PIEZO2: variants seen among roughly 807,000 people sequenced by gnomAD.
PIEZO2 encodes the protein piezo-type mechanosensitive ion channel component 2.
A neutral mutation model predicts 337.3 loss-of-function variants in PIEZO2; 172 were observed. That is an observed-to-expected ratio of 0.51 (90% CI 0.45 to 0.58). The LOEUF is 0.58. Among genes scored for constraint, PIEZO2 ranks in the 20% least tolerant of loss-of-function variants. The pLI, the probability that PIEZO2 is intolerant of heterozygous loss-of-function variation, is 0.00. For missense variants in PIEZO2, 3,028 were observed against 3,391.3 expected, an observed-to-expected ratio of 0.89 and a Z score of 2.66; for synonymous variants, 1,251 against 1,228.5, an observed-to-expected ratio of 1.02 and a Z score of -0.38.
In PIEZO2 at chr18:11,127,977, C is replaced by A. The variant is rs983995965; in HGVS notation, c.64+20548G>T. Among the ~76,000 whole-genome samples, 1 of 151,952 alleles carries A rather than the reference C, an allele frequency of 6.6e-6. No homozygotes were observed. The highest frequency in any genetic ancestry group is 1.5e-5 in the Non-Finnish European group (1 of 67,998). Reference sequence around the variant, plus strand: ...CTTAGTATGATTAGACCTGAAAATGCTAAGGACTCTACTGCTAACAGTATG... The same window carrying A: ...CTTAGTATGATTAGACCTGAAAATGATAAGGACTCTACTGCTAACAGTATG... On this transcript the variant is annotated intron_variant, in intron 1 of 55. Coordinates refer to ENST00000674853, the MANE Select transcript of PIEZO2 (RefSeq NM_001378183.1). The surrounding 1 kb of genome is among the most constrained non-coding windows in gnomAD (Gnocchi z 4.5).
rs573394955 is a variant in PIEZO2 at position 11,111,037 on chromosome 18, C to T, written c.64+37488G>A. On this transcript the variant is annotated intron_variant, in intron 1 of 55. Coordinates refer to ENST00000674853, the MANE Select transcript of PIEZO2 (RefSeq NM_001378183.1). The surrounding 1 kb of genome is among the most constrained non-coding windows in gnomAD (Gnocchi z 6.2). ...ATACTTCAGTGCAGCTGCAAATGGA[C>T]GTCCGGGCAGACAGGGCAGAGGACA... Among the ~76,000 whole-genome samples the T allele has an allele frequency of 4.6e-4, 70 of 152,298 alleles. 2 individuals carry two copies. The highest frequency in any genetic ancestry group is 1.2e-3 in the South Asian group (6 of 4,826).
chr18:10,946,812 T>A (rs932361298), intron 3 of PIEZO2, among the ~76,000 whole-genome samples: 11 of 152,098 alleles, frequency 7.2e-5, no homozygotes, highest in African/African-American at 2.7e-4. Flanking sequence ...TAGATACAAT[T>A]AAAAATCACT....
intron 11 of PIEZO2, among the ~76,000 whole-genome samples, chr18:10,799,460 GT>G (rs202109880): frequency 0.015 from 2,350 of 152,280 alleles, 41 homozygotes; most frequent in African/African-American, 0.053. Flanking sequence ...TAGGTCAGAG[GT>G]GCAGCTTTTT....
intron 1 of PIEZO2, among the ~76,000 whole-genome samples, chr18:11,145,846 C>G (rs1393229809): frequency 6.6e-6 from 1 of 152,202 alleles, no homozygotes; most frequent in African/African-American, 2.4e-5. Flanking sequence ...GAGGAGGTCA[C>G]TAGGGTCAGG....
At chr18:11,064,184 G>C (rs1427967483) in intron 2 of PIEZO2, among the ~76,000 whole-genome samples, 1 of 152,166 alleles carries the variant, frequency 6.6e-6, no homozygotes, top group East Asian at 1.9e-4. Context: ...AGAAACGCAT[G>C]TGTTCTGCCT....
At chr18:10,749,025 C>T (rs1215518766) in intron 29 of PIEZO2, among the ~76,000 whole-genome samples, 1 of 151,928 alleles carries the variant, frequency 6.6e-6, no homozygotes, top group Admixed American at 6.6e-5. Flanking sequence ...CCAGGGGTAA[C>T]CAGCAGAATA....
chr18:10,686,393 C>A (rs943588119), intron 49 of PIEZO2, among the ~76,000 whole-genome samples: 3 of 152,096 alleles, frequency 2.0e-5, no homozygotes, highest in African/African-American at 7.2e-5. Context: ...AGAAGGTAAA[C>A]CAGGAAAGAA....
At position 10,750,160 on chromosome 18, in the gene PIEZO2, A is replaced by G. The variant is rs763155346; in HGVS notation, c.4195T>C (p.Leu1399=). 3.0e-5 allele frequency: 46 copies of G among 1,537,048 alleles called. No individual in the cohort carries two copies. The East Asian group carries it at 3.2e-4, about 11-fold the overall frequency. Residue 1399 remains leucine (L), a synonymous_variant, in exon 29 of 56, where the codon TTG becomes CTG. Coordinates refer to ENST00000674853, the MANE Select transcript of PIEZO2 (RefSeq NM_001378183.1). The surrounding 1 kb of genome is among the most constrained non-coding windows in gnomAD (Gnocchi z 4.1). Reference sequence around the variant, plus strand: ...ATCAACCAACAACTATTGTGCACCAATGTTCCAATGTATCCACATGCTCCT... The same window carrying G: ...ATCAACCAACAACTATTGTGCACCAGTGTTCCAATGTATCCACATGCTCCT... ...SIGACGYIGT[L]VHNSCWLIQA... is the part of the protein sequence containing the mutation.
At chr18:10,742,725 A>G in intron 31 of PIEZO2, 110 bp from the exon 32 acceptor site, 1 of 1,130,692 alleles carries the variant, frequency 8.8e-7, no homozygotes, top group South Asian at 1.7e-5. Flanking sequence ...TGGACAAACT[A>G]CTTTGGAATA....
At chr18:10,995,595 C>T (rs2035291578) in intron 2 of PIEZO2, among the ~76,000 whole-genome samples, 1 of 152,194 alleles carries the variant, frequency 6.6e-6, no homozygotes, top group South Asian at 2.1e-4. Flanking sequence ...AGTTCAATAT[C>T]TCTGGGTCCA....
chr18:11,108,213 GT>G (rs1434907135), intron 1 of PIEZO2, among the ~76,000 whole-genome samples: 1 of 152,112 alleles, frequency 6.6e-6, no homozygotes, highest in Non-Finnish European at 1.5e-5. Context: ...AAAACGCTTG[GT>G]ATTTTCTTCT....
chr18:10,760,948 T>C lies in PIEZO2; in HGVS notation c.3413A>G (p.Tyr1138Cys). 1 of 1,534,250 alleles carries C rather than the reference T, an allele frequency of 6.5e-7. No homozygotes were observed. Among genetic ancestry groups the C allele is most frequent in the Non-Finnish European group, 8.7e-7 (1 of 1,144,396 alleles). The change falls in exon 24 of 56, where the codon TAT (tyrosine) becomes TGT (cysteine). Residue 1138 changes from tyrosine to cysteine, a missense_variant. Coordinates refer to ENST00000674853, the MANE Select transcript of PIEZO2 (RefSeq NM_001378183.1). Reference protein sequence around the residue: ...LDDGLINCAKYFINYFFYKFG... With the variant: ...LDDGLINCAKCFINYFFYKFG... ...CTTGTAAAAGAAGTAATTAATGAAA[T>C]ATTTGGCACAATTAATAAGTCCATC...
Position 11,001,188 on chromosome 18 carries a change from G to C in PIEZO2, c.161-21528C>G, listed in dbSNP as rs1268853876. Among the ~76,000 whole-genome samples, 1 of 152,130 alleles carries C rather than the reference G, an allele frequency of 6.6e-6. No homozygotes were observed. The highest frequency in any genetic ancestry group is 2.1e-4 in the South Asian group (1 of 4,832). On this transcript the variant is annotated intron_variant, in intron 2 of 55. Transcript: ENST00000674853. This position sits in a 1 kb window ranked among gnomAD's most constrained non-coding sequence, Gnocchi z 5.3. Reference sequence around the variant, plus strand: ...GGATATTGATTGTCCTCAAGCAGATGTAAGCCTCCTGAAGGCAGGGCTGCC... The same window carrying C: ...GGATATTGATTGTCCTCAAGCAGATCTAAGCCTCCTGAAGGCAGGGCTGCC...
At chr18:10,918,160 A>G (rs2031136443) in intron 3 of PIEZO2, among the ~76,000 whole-genome samples, 1 of 152,216 alleles carries the variant, frequency 6.6e-6, no homozygotes, top group Non-Finnish European at 1.5e-5. Flanking sequence ...GAGTAATTTC[A>G]GCCTTTTGGG....
Position 11,148,640 on chromosome 18 carries a change from G to A in PIEZO2, c.-52C>T, listed in dbSNP as rs1351075655. On this transcript the variant is annotated 5_prime_UTR_variant, in exon 1 of 56. Coordinates refer to ENST00000674853, the MANE Select transcript of PIEZO2 (RefSeq NM_001378183.1). The surrounding 1 kb of genome is among the most constrained non-coding windows in gnomAD (Gnocchi z 5.2). ...AGGGGCGAGGCTCGAGGGTCCCTAG[G>A]GGTGGTGGGACGCAAGGCCCATGCC... 6 of 1,528,768 alleles carry A rather than the reference G, an allele frequency of 3.9e-6. No individual in the cohort carries two copies. The highest frequency in any genetic ancestry group is 4.9e-5 in the East Asian group (2 of 40,800). The allele number at this position is 1,528,768 out of a possible 1,614,324, so 94.7% of individuals were successfully genotyped here. A position where few individuals can be genotyped will look rare whatever the true frequency, so the allele number is the denominator to read the frequency against.
At chr18:10,802,661 CAA>C (rs1391469949) in intron 9 of PIEZO2, among the ~76,000 whole-genome samples, 2 of 152,102 alleles carry the variant, frequency 1.3e-5, no homozygotes, top group African/African-American at 4.8e-5. Flanking sequence ...CATAGGTATG[CAA>C]TTTGGTCAAA....
chr18:11,000,298 C>A (rs1188416467), intron 2 of PIEZO2, among the ~76,000 whole-genome samples: 1 of 152,186 alleles, frequency 6.6e-6, no homozygotes, highest in South Asian at 2.1e-4. Flanking sequence ...TTTTCTATTT[C>A]CAATTTTGTA....
chr18:11,025,651 T>G (rs567205077), intron 2 of PIEZO2, among the ~76,000 whole-genome samples: 32 of 152,314 alleles, frequency 2.1e-4, no homozygotes, highest in African/African-American at 7.7e-4. Context: ...TCTCTCTGTT[T>G]TTGACACAGA....
At chr18:11,025,975 G>C (rs1462193877) in intron 2 of PIEZO2, among the ~76,000 whole-genome samples, 1 of 152,144 alleles carries the variant, frequency 6.6e-6, no homozygotes, top group African/African-American at 2.4e-5. Flanking sequence ...TCAGCCTCCT[G>C]ATCCTCAGGA....
Sources: gnomAD v4.1 joint callset for allele counts (sites outside exome capture counted in the v4.1 genomes callset) on GRCh38, gnomAD v4.1.1 for gene constraint, Gnocchi (gnomAD v3.1) non-coding constraint, MANE v1.5 for transcripts, NCBI Gene and HGNC (gene_info 2026-07-23, HGNC 2026-07-21) for gene names.